Variants in PPP6R3 observed in about 807,000 individuals in gnomAD.
PPP6R3 encodes the protein protein phosphatase 6 regulatory subunit 3, also known as serine/threonine-protein phosphatase 6 regulatory subunit 3.
In PPP6R3, 38 loss-of-function variants were observed where a neutral mutation model predicts 110.7. That is an observed-to-expected ratio of 0.34 (90% CI 0.26 to 0.45). The LOEUF is 0.45. Ranked by LOEUF, PPP6R3 falls within the 20% of genes least tolerant of loss-of-function variation. PPP6R3 has a pLI of 1.00. For missense variants in PPP6R3, 870 were observed against 1,062.4 expected, an observed-to-expected ratio of 0.82 and a Z score of 2.52; for synonymous variants, 369 against 373.5, an observed-to-expected ratio of 0.99 and a Z score of 0.14.
At chr11:68,542,398 T>TTGTTTTTTTTTTTG (rs1346036684) in intron 3 of PPP6R3, among the ~76,000 whole-genome samples, 7 of 111,746 alleles carry the variant, frequency 6.3e-5, no homozygotes, top group African/African-American at 1.0e-4. Flanking sequence ...TGTTTTTTTT[T>TTGTTTTTTTTTTTG]TTTTTTTTTT....
At position 68,610,007 on chromosome 11, in the gene PPP6R3, A is replaced by G. The variant is rs79540432; in HGVS notation, c.2554A>G (p.Ser852Gly). 17,605 of 1,613,952 alleles carry G rather than the reference A, an allele frequency of 0.011. 118 individuals are homozygous for G. Among genetic ancestry groups the G allele is most frequent in the Non-Finnish European group, 0.013 (15,663 of 1,180,008 alleles). The change falls in exon 23 of 24, where the codon AGC becomes GGC. Residue 852 changes from serine to glycine, a missense_variant. Ser to Gly is a moderately conservative substitution (Grantham distance 56). Transcript: ENST00000393800. ...AKCAAPRPPS[S>G]SPEQRTGQPS... ...GTGCGCGGCGCCCAGGCCTCCCAGCAGCAGTCCCGAGCAGAGGTAACCACC... is the reference window on the plus strand; with the variant it reads ...GTGCGCGGCGCCCAGGCCTCCCAGCGGCAGTCCCGAGCAGAGGTAACCACC...
rs1555132529 is a variant in PPP6R3, at chr11:68,542,400, T to TTTTTTTTTTTC, written c.228-2428_228-2427insCTTTTTTTTTT. On this transcript the variant is annotated intron_variant, in intron 3 of 23. Coordinates refer to ENST00000393800, the MANE Select transcript of PPP6R3 (RefSeq NM_001164161.2). ...CTTGAGAAGCTGCTGTTTTTTTTTT[T>TTTTTTTTTTTC]TTTTTTTTTTTAAGACAGAGTCTTG... Among the ~76,000 whole-genome samples, 350 of 63,362 alleles carry TTTTTTTTTTTC rather than the reference T, an allele frequency of 5.5e-3. 27 individuals carry two copies. The highest frequency in any genetic ancestry group is 0.021 in the African/African-American group (337 of 16,042). The allele number at this position is 63,362 out of a possible 152,430, so 41.6% of individuals were successfully genotyped here.
At chr11:68,535,609 C>T (rs1186506578) in intron 2 of PPP6R3, 1 of 152,014 alleles carries the variant, frequency 6.6e-6, no homozygotes, top group Non-Finnish European at 1.5e-5. Context: ...TAACACCCTT[C>T]ACATTTTATA....
chr11:68,480,453 C>G (rs1370366018), intron 1 of PPP6R3, among the ~76,000 whole-genome samples: 1 of 152,212 alleles, frequency 6.6e-6, no homozygotes, highest in Non-Finnish European at 1.5e-5. Flanking sequence ...TATTCTGCAC[C>G]TTGGCGGAAC....
intron 1 of PPP6R3, among the ~76,000 whole-genome samples, chr11:68,492,288 T>C (rs1271347690): frequency 1.3e-5 from 2 of 152,118 alleles, no homozygotes; most frequent in Admixed American, 6.5e-5. Context: ...TCCCTAGTAG[T>C]TGGAACCATA....
intron 4 of PPP6R3, among the ~76,000 whole-genome samples, chr11:68,546,920 CT>C (rs1158158094): frequency 1.3e-5 from 2 of 152,120 alleles, no homozygotes; most frequent in Non-Finnish European, 2.9e-5. Flanking sequence ...CTCTACTGTC[CT>C]TTTAAAAACT....
intron 1 of PPP6R3, among the ~76,000 whole-genome samples, chr11:68,477,737 A>ATATATATATATATATATAT (rs1555021085): frequency 1.5e-5 from 1 of 64,558 alleles, no homozygotes; most frequent in African/African-American, 5.9e-5. Context: ...TTAAAAAAAA[A>ATATATATATATATATATAT]AAAAATATAT....
intron 1 of PPP6R3, among the ~76,000 whole-genome samples, chr11:68,490,012 A>C (rs1031615589): frequency 2.0e-5 from 3 of 152,200 alleles, no homozygotes; most frequent in Non-Finnish European, 2.9e-5. Context: ...AACTACTTTT[A>C]ATTAAGAATA....
intron 3 of PPP6R3, among the ~76,000 whole-genome samples, chr11:68,542,440 C>CTGGA (rs2099324901): frequency 8.4e-6 from 1 of 118,868 alleles, no homozygotes; most frequent in African/African-American, 3.2e-5. Flanking sequence ...GTCATCCAGG[C>CTGGA]TGGAGTGCAG....
At chr11:68,586,331 A>G (rs1037672891) in intron 15 of PPP6R3, 6 of 152,188 alleles carry the variant, frequency 3.9e-5, no homozygotes, top group Non-Finnish European at 5.9e-5. Flanking sequence ...TTTTTGATGT[A>G]ATTAATATTA....
intron 6 of PPP6R3, among the ~76,000 whole-genome samples, chr11:68,551,400 T>G (rs2153697508): frequency 6.6e-6 from 1 of 152,330 alleles, no homozygotes; most frequent in East Asian, 1.9e-4. Context: ...CAGCAGGCCC[T>G]TGTTATAGCA....
At chr11:68,493,781 T>C (rs2098998454) in intron 1 of PPP6R3, among the ~76,000 whole-genome samples, 2 of 151,692 alleles carry the variant, frequency 1.3e-5, no homozygotes, top group African/African-American at 4.8e-5. Context: ...TTTATTAATC[T>C]TGTATGTCAT....
intron 2 of PPP6R3, among the ~76,000 whole-genome samples, chr11:68,523,930 G>T (rs1382840123): frequency 6.6e-6 from 1 of 151,916 alleles, no homozygotes; most frequent in Admixed American, 6.6e-5. Context: ...AGAATGCGTG[G>T]GGTTCAACCC....
intron 1 of PPP6R3, among the ~76,000 whole-genome samples, chr11:68,472,832 C>G (rs1565239384): frequency 6.6e-6 from 1 of 152,162 alleles, no homozygotes; most frequent in Non-Finnish European, 1.5e-5. Flanking sequence ...TTAATAGAAT[C>G]ATACAATAGG....
At position 68,613,869 on chromosome 11, in the gene PPP6R3, T is replaced by C. The variant is rs1013764044; in HGVS notation, c.*752T>C. ...TTCCTACAAGTGAAACACTAGACTA[T>C]TTGGAGTGTATATGGCTTGTGTTTT... On this transcript the variant is annotated 3_prime_UTR_variant, in exon 24 of 24. Transcript: ENST00000393800. 24 of 985,770 alleles carry C rather than the reference T, an allele frequency of 2.4e-5. No homozygotes were observed. The South Asian group carries it at 1.0e-3, about 42-fold the overall frequency. The allele number at this position is 985,770 out of a possible 1,614,324, so 61.1% of individuals were successfully genotyped here. A position where few individuals can be genotyped will look rare whatever the true frequency, so the allele number is the denominator to read the frequency against.
chr11:68,564,742 C>A (rs1208525285), intron 9 of PPP6R3, among the ~76,000 whole-genome samples: 1 of 152,176 alleles, frequency 6.6e-6, no homozygotes, highest in Non-Finnish European at 1.5e-5. Flanking sequence ...AAAAGCTAAT[C>A]TTTCAGAAAC....
chr11:68,588,075 G>C, intron 16 of PPP6R3, 51 bp downstream of exon 16: 1 of 1,465,988 alleles, frequency 6.8e-7, no homozygotes, highest in South Asian at 1.1e-5. Context: ...CCTTGCTCTT[G>C]GTAGATGTAT....
intron 22 of PPP6R3, among the ~76,000 whole-genome samples, chr11:68,608,168 A>G (rs2153968123): frequency 6.6e-6 from 1 of 152,328 alleles, no homozygotes; most frequent in South Asian, 2.1e-4. Context: ...AACTGAAAAA[A>G]ACATCTGTAG....
intron 18 of PPP6R3, among the ~76,000 whole-genome samples, chr11:68,594,603 T>G (rs2099607802): frequency 6.6e-6 from 1 of 152,174 alleles, no homozygotes; most frequent in South Asian, 2.1e-4. Context: ...GACAACTTGG[T>G]AAATGTTTAT....
Sources: allele counts gnomAD v4.1 joint callset (sites outside exome capture counted in the v4.1 genomes callset), GRCh38; gene constraint gnomAD v4.1.1; transcripts MANE v1.5; gene names NCBI Gene and HGNC (gene_info 2026-07-23, HGNC 2026-07-21).